REV3L: variants seen among roughly 807,000 people sequenced by gnomAD.
The protein encoded by REV3L is REV3 like, DNA directed polymerase zeta catalytic subunit.
REV3L carries 69 observed loss-of-function variants against 299.4 expected under a neutral mutation model. The observed-to-expected ratio is 0.23, with a 90% confidence interval of 0.19 to 0.28. The LOEUF (loss-of-function observed/expected upper bound fraction) is 0.28. Among genes scored for constraint, REV3L ranks in the 10% least tolerant of loss-of-function variants. The pLI, the probability that REV3L is intolerant of heterozygous loss-of-function variation, is 1.00. For synonymous variants in REV3L, 1,238 were observed against 1,271.4 expected (o/e 0.97, Z 0.56); for missense variants, 3,128 against 3,693.8 (o/e 0.85, Z 3.97).
chr6:111,438,679 A>G (rs1011481944), intron 1 of REV3L, among the ~76,000 whole-genome samples: 6 of 152,212 alleles, frequency 3.9e-5, no homozygotes, highest in Admixed American at 2.6e-4. Context: ...CCGATATCCT[A>G]TAACTTTCAT....
At chr6:111,385,882 T>C (rs1164985784) in intron 9 of REV3L, among the ~76,000 whole-genome samples, 1 of 152,162 alleles carries the variant, frequency 6.6e-6, no homozygotes, top group Non-Finnish European at 1.5e-5. Context: ...GAAATGCAGA[T>C]TAAAATGCAG....
At position 111,482,792 on chromosome 6, in the gene REV3L, T is replaced by G. The variant is rs774548198; in HGVS notation, c.97A>C (p.Lys33Gln). ...AAGACTCGCACCACCGGCACCTTCTTGACAGGGGCCTGGGTGAGGGGGGAT... is the reference window on the plus strand; with the variant it reads ...AAGACTCGCACCACCGGCACCTTCTGGACAGGGGCCTGGGTGAGGGGGGAT... ...CQSPLTQAPVKKVPVVRVFGA... is the reference protein window; with the variant it reads ...CQSPLTQAPVQKVPVVRVFGA... Residue 33 changes from lysine to glutamine, a missense_variant, in exon 1 of 32, where the codon AAG becomes CAG. Lys to Gln is a moderately conservative substitution (Grantham distance 53). Around this residue, in one of 9 missense-constraint regions of REV3L, gnomAD observed 48 missense variants for 42.8 expected, o/e 1.12. Coordinates refer to ENST00000368802, the MANE Select transcript of REV3L (RefSeq NM_001372078.1). The G allele has an allele frequency of 6.7e-7, 1 of 1,492,370 alleles. No homozygotes were observed. The highest frequency in any genetic ancestry group is 8.9e-7 in the Non-Finnish European group (1 of 1,121,498). The allele number at this position is 1,492,370 out of a possible 1,614,324, so 92.4% of individuals were successfully genotyped here.
At chr6:111,402,065 G>A (rs895923841) in intron 4 of REV3L, among the ~76,000 whole-genome samples, 6 of 152,114 alleles carry the variant, frequency 3.9e-5, no homozygotes, top group African/African-American at 1.4e-4. Context: ...AGTGAGCCAT[G>A]TTCACACTAT....
intron 29 of REV3L, chr6:111,310,847 C>T: frequency 2.4e-6 from 1 of 409,372 alleles, no homozygotes; most frequent in Non-Finnish European, 4.3e-6. Flanking sequence ...GACTGTGTCA[C>T]AATTTCTTTG....
intron 20 of REV3L, among the ~76,000 whole-genome samples, chr6:111,344,932 A>G (rs1453365186): frequency 6.6e-6 from 1 of 152,224 alleles, no homozygotes; most frequent in Non-Finnish European, 1.5e-5. Flanking sequence ...AATTGGTCTT[A>G]CTTTATCTAC....
intron 1 of REV3L, among the ~76,000 whole-genome samples, chr6:111,442,468 T>C (rs1788382920): frequency 1.3e-5 from 2 of 152,244 alleles, no homozygotes; most frequent in Admixed American, 1.3e-4. Flanking sequence ...CCAGTGTTCC[T>C]AGTGACTTTT....
rs759876593 is a variant in REV3L at position 111,374,942 on chromosome 6, T to A, written c.3413A>T (p.Glu1138Val). Residue 1138 changes from glutamate to valine, a missense_variant, in exon 13 of 32, where the codon GAA (glutamate) becomes GTA (valine). Transcript: ENST00000368802. ...CTCTTTTTCTGCAGCAGCCATGATT[T>A]CTTCAGCTCTTGGATCTGTGGGAGA... is the stretch of plus-strand genomic sequence containing the variant. ...CWSPTDPRAE[E>V]IMAAAEKEAM... is the part of the protein sequence containing the mutation. The A allele has an allele frequency of 1.2e-6, 2 of 1,612,884 alleles. No individual in the cohort carries two copies. The highest frequency in any genetic ancestry group is 2.2e-5 in the South Asian group (2 of 90,666).
chr6:111,470,730 G>A (rs1257027503), intron 1 of REV3L, among the ~76,000 whole-genome samples: 9 of 151,980 alleles, frequency 5.9e-5, no homozygotes, highest in African/African-American at 1.7e-4. Flanking sequence ...CTGTAATCCC[G>A]GCACTTTGGG....
At chr6:111,377,198 G>GT (rs1319835700) in intron 12 of REV3L, among the ~76,000 whole-genome samples, 4 of 152,118 alleles carry the variant, frequency 2.6e-5, no homozygotes, top group Admixed American at 1.3e-4. Flanking sequence ...AGCAAATCAT[G>GT]TATCTAATTC....
At chr6:111,440,789 A>G (rs186815481) in intron 1 of REV3L, among the ~76,000 whole-genome samples, 248 of 152,308 alleles carry the variant, frequency 1.6e-3, no homozygotes, top group African/African-American at 5.5e-3. Context: ...CTTACTGGCA[A>G]CAGATTCCCT....
intron 1 of REV3L, among the ~76,000 whole-genome samples, chr6:111,455,980 A>AT (rs1392859495): frequency 6.6e-6 from 1 of 152,216 alleles, no homozygotes; most frequent in Non-Finnish European, 1.5e-5. Context: ...CTTGATATTG[A>AT]CACTGCAGAT....
chr6:111,457,703 G>GCAATTAGA (rs1200544911), intron 1 of REV3L, among the ~76,000 whole-genome samples: 4 of 151,524 alleles, frequency 2.6e-5, no homozygotes, highest in African/African-American at 9.7e-5. Flanking sequence ...GCATACAAGA[G>GCAATTAGA]CAATTAGACA....
At chr6:111,476,436 CATGAG>C (rs1792950939) in intron 1 of REV3L, among the ~76,000 whole-genome samples, 1 of 152,188 alleles carries the variant, frequency 6.6e-6, no homozygotes, top group Non-Finnish European at 1.5e-5. Context: ...GGATTACAGA[CATGAG>C]CCACTGCATC....
intron 3 of REV3L, among the ~76,000 whole-genome samples, chr6:111,408,202 G>A (rs1356084639): frequency 2.6e-5 from 4 of 152,166 alleles, no homozygotes; most frequent in African/African-American, 4.8e-5. Context: ...AATAGGCAGC[G>A]AGGAGAGAAT....
chr6:111,300,237 C>T (rs767536153), intron 31 of REV3L, 81 bp from the exon 32 acceptor site: 1 of 1,088,310 alleles, frequency 9.2e-7, no homozygotes, highest in Non-Finnish European at 1.3e-6. Flanking sequence ...ATAATCCCTA[C>T]TTTCTAGACT....
chr6:111,430,695 G>A (rs1786800834), intron 1 of REV3L: 3 of 1,538,494 alleles, frequency 1.9e-6, no homozygotes, highest in Admixed American at 1.7e-5. Flanking sequence ...AAGAGTCCCA[G>A]CAAAGAAAAT....
intron 1 of REV3L, among the ~76,000 whole-genome samples, chr6:111,437,127 A>T (rs1028509101): frequency 4.6e-5 from 7 of 152,196 alleles, no homozygotes; most frequent in African/African-American, 1.7e-4. Flanking sequence ...AATTTCATAC[A>T]CTACTTCTAG....
intron 21 of REV3L, among the ~76,000 whole-genome samples, chr6:111,340,560 A>C (rs1447771359): frequency 6.6e-6 from 1 of 152,162 alleles, no homozygotes; most frequent in Non-Finnish European, 1.5e-5. Context: ...ATCCTTGACT[A>C]GCAAGTTCTT....
chr6:111,425,269 G>A (rs1039025484), intron 1 of REV3L, among the ~76,000 whole-genome samples: 10 of 152,030 alleles, frequency 6.6e-5, no homozygotes, highest in African/African-American at 9.6e-5. Flanking sequence ...CCATCCTGGC[G>A]AACATGGAAA....
Sources: gnomAD v4.1 joint callset for allele counts (sites outside exome capture counted in the v4.1 genomes callset) on GRCh38, gnomAD v4.1.1 for gene constraint, gnomAD v4.1.1 regional missense constraint, MANE v1.5 for transcripts, NCBI Gene and HGNC (gene_info 2026-07-23, HGNC 2026-07-21) for gene names.